The following CDH20 variants were observed in gnomAD, a reference collection of about 807,000 sequenced individuals.
CDH20 encodes the protein cadherin 20, also known as cadherin-20.
Under a neutral mutation model 74.2 loss-of-function variants are expected in CDH20, and 29 were observed. That is an observed-to-expected ratio of 0.39 (90% confidence interval 0.29 to 0.53). CDH20 has a LOEUF of 0.53. Ranked by LOEUF, CDH20 falls within the 20% of genes least tolerant of loss-of-function variation. The pLI is 0.69. For missense variants in CDH20, 988 were observed against 1,048.3 expected, an observed-to-expected ratio of 0.94 and a Z score of 0.79; for synonymous variants, 469 against 405.4, an observed-to-expected ratio of 1.16 and a Z score of -1.88.
intron 1 of CDH20, among the ~76,000 whole-genome samples, chr18:61,448,063 C>T (rs1419596217): frequency 1.3e-5 from 2 of 152,326 alleles, no homozygotes; most frequent in African/African-American, 2.4e-5. Context: ...CTTCAGTTTT[C>T]TCATCGGTAA....
At chr18:61,504,025 G>C (rs1911475961) in intron 5 of CDH20, among the ~76,000 whole-genome samples, 3 of 13,036 alleles carry the variant, frequency 2.3e-4, no homozygotes, top group African/African-American at 6.8e-4. Context: ...GTAAAAACCT[G>C]AATGGAAGAA....
chr18:61,545,575 G>A (rs1436543665), intron 10 of CDH20, among the ~76,000 whole-genome samples: 7 of 152,070 alleles, frequency 4.6e-5, no homozygotes, highest in Admixed American at 1.3e-4. Flanking sequence ...ACTGGTAGCA[G>A]CCCTGTTCAT....
intron 1 of CDH20, among the ~76,000 whole-genome samples, chr18:61,339,701 T>TTTTTTTTTTTTTTTC (rs58434671): frequency 1.6e-5 from 2 of 122,948 alleles, no homozygotes; most frequent in Admixed American, 1.0e-4. Context: ...TTTTTTTTTT[T>TTTTTTTTTTTTTTTC]TTTTGAGATG....
chr18:61,358,003 A>G (rs1408309012), intron 1 of CDH20, among the ~76,000 whole-genome samples: 1 of 152,126 alleles, frequency 6.6e-6, no homozygotes, highest in Non-Finnish European at 1.5e-5. Flanking sequence ...TGCACCATTC[A>G]GATTTCTGCA....
chr18:61,542,213 G>C (rs1489068699), intron 9 of CDH20, among the ~76,000 whole-genome samples: 2 of 152,198 alleles, frequency 1.3e-5, no homozygotes, highest in Non-Finnish European at 2.9e-5. Flanking sequence ...CTCCAGGCAG[G>C]ATAGGACAGG....
intron 1 of CDH20, among the ~76,000 whole-genome samples, chr18:61,475,227 G>A (rs906795342): frequency 6.6e-6 from 1 of 152,206 alleles, no homozygotes; most frequent in African/African-American, 2.4e-5. Flanking sequence ...ATCTGAGAAA[G>A]ACTTACAAGG....
At chr18:61,359,898 C>G (rs1467117916) in intron 1 of CDH20, among the ~76,000 whole-genome samples, 5 of 152,282 alleles carry the variant, frequency 3.3e-5, no homozygotes, top group Admixed American at 2.0e-4. Flanking sequence ...TCTATGTGCA[C>G]CAAGTGACAA....
intron 1 of CDH20, among the ~76,000 whole-genome samples, chr18:61,455,123 G>T (rs1909528330): frequency 6.6e-6 from 1 of 152,076 alleles, no homozygotes; most frequent in Admixed American, 6.5e-5. Flanking sequence ...TTTACTAAAT[G>T]GTATGACAGG....
chr18:61,414,709 C>A (rs565502236), intron 1 of CDH20, among the ~76,000 whole-genome samples: 1 of 151,884 alleles, frequency 6.6e-6, no homozygotes, highest in East Asian at 1.9e-4. Flanking sequence ...TTTATAGAAA[C>A]CAATTTAAGT....
intron 6 of CDH20, among the ~76,000 whole-genome samples, chr18:61,516,475 C>T (rs1317727644): frequency 6.6e-6 from 1 of 152,112 alleles, no homozygotes; most frequent in African/African-American, 2.4e-5. Flanking sequence ...ATACTTAATC[C>T]TCCTTAATTA....
In CDH20 at chr18:61,555,734, T is replaced by G; in HGVS notation, c.*1039T>G. 1.1e-6 allele frequency: 1 copy of G among 951,114 alleles called. No individual in the cohort carries two copies. Among genetic ancestry groups the G allele is most frequent in the Non-Finnish European group, 1.3e-6 (1 of 798,522 alleles). 58.9% of individuals were successfully genotyped at this position (951,114 alleles called of 1,614,324 possible). A position where few individuals can be genotyped will look rare whatever the true frequency, so the allele number is the denominator to read the frequency against. On this transcript the variant is annotated 3_prime_UTR_variant, in exon 12 of 12. Coordinates refer to ENST00000262717, the MANE Select transcript of CDH20 (RefSeq NM_031891.4). ...GGTAATAAATATGATGTACTGCATCTCAGTACCTTAGCACTTCTTTTAATA... is the reference window on the plus strand; with the variant it reads ...GGTAATAAATATGATGTACTGCATCGCAGTACCTTAGCACTTCTTTTAATA...
intron 1 of CDH20, among the ~76,000 whole-genome samples, chr18:61,401,413 T>C (rs1182389427): frequency 2.0e-5 from 3 of 152,218 alleles, no homozygotes; most frequent in Non-Finnish European, 4.4e-5. Context: ...GTTGTTGCTG[T>C]TGTTTTTATA....
At chr18:61,501,246 T>C (rs561449276) in intron 4 of CDH20, among the ~76,000 whole-genome samples, 1 of 151,214 alleles carries the variant, frequency 6.6e-6, no homozygotes, top group South Asian at 2.1e-4. Flanking sequence ...TGCTTATTTA[T>C]TTCTGTCTTA....
At chr18:61,336,993 G>C (rs1728724670) in intron 1 of CDH20, among the ~76,000 whole-genome samples, 1 of 152,204 alleles carries the variant, frequency 6.6e-6, no homozygotes, top group South Asian at 2.1e-4. Context: ...GCCAAAGATT[G>C]CTGTAAACAC....
intron 1 of CDH20, among the ~76,000 whole-genome samples, chr18:61,359,007 G>A (rs7232476): frequency 0.16 from 24,191 of 151,946 alleles, 1,946 homozygotes; most frequent in African/African-American, 0.18. Flanking sequence ...AAATCTAAGT[G>A]CACACATTAA....
At chr18:61,434,036 A>T (rs867133093) in intron 1 of CDH20, among the ~76,000 whole-genome samples, 2 of 152,054 alleles carry the variant, frequency 1.3e-5, no homozygotes, top group Non-Finnish European at 1.5e-5. Context: ...ATGTATATGT[A>T]CTCTTTTAGG....
At chr18:61,477,216 T>C (rs188987733) in intron 1 of CDH20, among the ~76,000 whole-genome samples, 5 of 152,320 alleles carry the variant, frequency 3.3e-5, no homozygotes. Flanking sequence ...GGGCATGGTC[T>C]GTTGGAGAGA....
intron 1 of CDH20, among the ~76,000 whole-genome samples, chr18:61,398,155 T>G (rs1437591266): frequency 6.6e-6 from 1 of 152,176 alleles, no homozygotes; most frequent in African/African-American, 2.4e-5. Context: ...CATTGTGCTG[T>G]TTACAGGTTG....
At chr18:61,533,237 G>C (rs1344396182) in intron 7 of CDH20, among the ~76,000 whole-genome samples, 4 of 152,186 alleles carry the variant, frequency 2.6e-5, no homozygotes, top group Non-Finnish European at 4.4e-5. Context: ...GAGCCGAGGA[G>C]TTTGAGGCTG....
Sources: gnomAD v4.1 joint callset for allele counts (sites outside exome capture counted in the v4.1 genomes callset) on GRCh38, gnomAD v4.1.1 for gene constraint, MANE v1.5 for transcripts, NCBI Gene and HGNC (gene_info 2026-07-23, HGNC 2026-07-21) for gene names.